ST7: variants seen among roughly 807,000 people sequenced by gnomAD.
The protein encoded by ST7 is suppression of tumorigenicity 7.
Under a neutral mutation model 78.7 loss-of-function variants are expected in ST7, and 28 were observed. The ratio of observed to expected loss-of-function variants is 0.36; its 90% CI spans 0.26 to 0.49. The LOEUF (loss-of-function observed/expected upper bound fraction) is 0.49. ST7 is among the 20% of genes least tolerant of loss of function. The pLI, the probability that ST7 is intolerant of heterozygous loss-of-function variation, is 0.99. For synonymous variants in ST7, 247 were observed against 249.6 expected, an observed-to-expected ratio of 0.99 and a Z score of 0.10; for missense variants, 418 against 696.0, an observed-to-expected ratio of 0.60 and a Z score of 4.49.
In ST7 at chr7:117,134,130, G is replaced by A. The variant is rs886347644; in HGVS notation, c.648G>A (p.Arg216=). 2.5e-6 allele frequency: 4 copies of A among 1,611,446 alleles called. No individual in the cohort carries two copies. The highest frequency in any genetic ancestry group is 2.2e-5 in the East Asian group (1 of 44,798). ...TTTTTTTCTTCTTGGTCAGAATTAG[G>A]TCCAGAGTTGAAGTTCCCCTAATTG... ...AHEALEINEI[R]SRVEVPLIAS... Residue 216 remains arginine (R), a synonymous_variant, in exon 7 of 16, where the codon AGG becomes AGA. Transcript: ENST00000323984.
chr7:117,022,722 T>C (rs1036997850), intron 1 of ST7, among the ~76,000 whole-genome samples: 2 of 152,232 alleles, frequency 1.3e-5, no homozygotes, highest in Non-Finnish European at 2.9e-5. Context: ...TAGATCCTGG[T>C]AAGGGTTAAT....
At chr7:116,956,371 T>G (rs372329467) in intron 1 of ST7, 25 of 418,510 alleles carry the variant, frequency 6.0e-5, no homozygotes, top group African/African-American at 5.1e-4. Flanking sequence ...TAACTTGTCC[T>G]TGCAGGGAGG....
chr7:117,182,611 G>A (rs1455256950), intron 10 of ST7: 1 of 152,116 alleles, frequency 6.6e-6, no homozygotes, highest in Non-Finnish European at 1.5e-5. Flanking sequence ...TGGAGGTGGG[G>A]GGTATTGTTG....
chr7:117,038,201 G>A (rs1319382532), intron 1 of ST7, among the ~76,000 whole-genome samples: 1 of 152,188 alleles, frequency 6.6e-6, no homozygotes, highest in East Asian at 1.9e-4. Flanking sequence ...TGCTGGGAAA[G>A]GCTTGTTCAC....
At chr7:117,024,167 T>C (rs776972889) in intron 1 of ST7, among the ~76,000 whole-genome samples, 3 of 152,128 alleles carry the variant, frequency 2.0e-5, no homozygotes, top group Admixed American at 6.5e-5. Flanking sequence ...AATTAAACAA[T>C]TTTTCTCTTA....
intron 1 of ST7, among the ~76,000 whole-genome samples, chr7:116,963,875 C>A (rs573133555): frequency 6.6e-6 from 1 of 152,166 alleles, no homozygotes; most frequent in Non-Finnish European, 1.5e-5. Flanking sequence ...TCGTGATCCG[C>A]CCGCCTCGGC....
intron 1 of ST7, among the ~76,000 whole-genome samples, chr7:116,974,589 C>T (rs1389424132): frequency 6.6e-6 from 1 of 152,142 alleles, no homozygotes; most frequent in African/African-American, 2.4e-5. Flanking sequence ...CTGCGCCGGG[C>T]CTTTTCTTTT....
intron 1 of ST7, among the ~76,000 whole-genome samples, chr7:117,028,736 C>T (rs1187085274): frequency 6.6e-6 from 1 of 152,178 alleles, no homozygotes; most frequent in Non-Finnish European, 1.5e-5. Context: ...TGGTGGTTCT[C>T]ATGAAGGGTC....
intron 2 of ST7, among the ~76,000 whole-genome samples, chr7:117,115,659 G>T (rs1802823391): frequency 6.6e-6 from 1 of 151,126 alleles, no homozygotes; most frequent in East Asian, 1.9e-4. Flanking sequence ...CAGCCGGTAG[G>T]TTACTTTTTA....
chr7:117,161,151 C>T (rs752106968), intron 9 of ST7, among the ~76,000 whole-genome samples: 1 of 150,898 alleles, frequency 6.6e-6, no homozygotes, highest in African/African-American at 2.4e-5. Context: ...CAGAGCCAAA[C>T]CCCTGAAGGG....
At chr7:117,070,354 C>T (rs1416876110) in intron 1 of ST7, among the ~76,000 whole-genome samples, 1 of 152,150 alleles carries the variant, frequency 6.6e-6, no homozygotes, top group Non-Finnish European at 1.5e-5. Context: ...AAATATAAAG[C>T]ACCATTTTCC....
intron 6 of ST7, among the ~76,000 whole-genome samples, chr7:117,133,263 C>T (rs904193160): frequency 6.6e-6 from 1 of 151,942 alleles, no homozygotes. Flanking sequence ...TAGCACCTCT[C>T]CATTCTTTGT....
intron 1 of ST7, among the ~76,000 whole-genome samples, chr7:117,098,415 C>T (rs1253682379): frequency 2.0e-5 from 3 of 152,110 alleles, no homozygotes; most frequent in Non-Finnish European, 4.4e-5. Context: ...ATCTCCTGGA[C>T]TTCCTCCCTG....
chr7:116,996,275 G>A (rs945796835), intron 1 of ST7, among the ~76,000 whole-genome samples: 15 of 152,010 alleles, frequency 9.9e-5, no homozygotes, highest in Admixed American at 3.9e-4. Context: ...TAGAGATGGG[G>A]TTTCACTGTG....
chr7:117,038,929 G>A (rs1159080095), intron 1 of ST7, among the ~76,000 whole-genome samples: 4 of 151,834 alleles, frequency 2.6e-5, no homozygotes, highest in Admixed American at 1.3e-4. Flanking sequence ...TTGTGTAAAA[G>A]GATATTATTT....
Position 117,130,612 on chromosome 7 carries a change from A to G in ST7, c.565+6A>G, listed in dbSNP as rs750602115. On this transcript the variant is annotated splice_donor_region_variant and intron_variant, in intron 5 of 15. Transcript: ENST00000323984. ...TCTGCGTCCCGCAGATGCAAGTATG[A>G]AAAATCCATACATCCTTCTGAATGG... 2 of 1,603,548 alleles carry G rather than the reference A, an allele frequency of 1.2e-6. No individual in the cohort carries two copies. The highest frequency in any genetic ancestry group is 1.3e-5 in the African/African-American group (1 of 74,434).
chr7:117,198,436 T>G, intron 12 of ST7: 1 of 376,790 alleles, frequency 2.7e-6, no homozygotes, highest in South Asian at 2.0e-5. Context: ...GCCTTGGCCT[T>G]GAGGACCCTC....
At chr7:117,091,074 C>G (rs1800572919) in intron 1 of ST7, among the ~76,000 whole-genome samples, 3 of 152,192 alleles carry the variant, frequency 2.0e-5, no homozygotes, top group Non-Finnish European at 4.4e-5. Flanking sequence ...GTAAAGTTGC[C>G]TAGGCGACAT....
intron 10 of ST7, among the ~76,000 whole-genome samples, chr7:117,172,168 G>C (rs914227059): frequency 4.6e-5 from 7 of 152,002 alleles, no homozygotes; most frequent in African/African-American, 1.4e-4. Context: ...ACCCAGGCTG[G>C]TCTCAAACTC....
Sources: gnomAD v4.1 joint callset for allele counts (sites outside exome capture counted in the v4.1 genomes callset) on GRCh38, gnomAD v4.1.1 for gene constraint, MANE v1.5 for transcripts, NCBI Gene and HGNC (gene_info 2026-07-23, HGNC 2026-07-21) for gene names.